ADAM32: variants seen among roughly 807,000 people sequenced by gnomAD.
The protein encoded by ADAM32 is ADAM metallopeptidase domain 32, also known as disintegrin and metalloproteinase domain-containing protein 32.
ADAM32 carries 89 observed loss-of-function variants against 114.9 expected under a neutral mutation model. The observed-to-expected ratio is 0.77, with a 90% CI of 0.65 to 0.92. The LOEUF is 0.92. Among genes scored for constraint, ADAM32 ranks in the 40% least tolerant of loss-of-function variants. The pLI, the probability that ADAM32 is intolerant of heterozygous loss-of-function variation, is 0.00. For synonymous variants in ADAM32, 285 were observed against 307.5 expected (o/e 0.93, Z 0.77); for missense variants, 870 against 932.8 (o/e 0.93, Z 0.88).
At chr8:39,139,344 A>T (rs1245035031) in intron 3 of ADAM32, among the ~76,000 whole-genome samples, 1 of 152,044 alleles carries the variant, frequency 6.6e-6, no homozygotes, top group East Asian at 1.9e-4. Flanking sequence ...TCCTGAGTTA[A>T]TTTTTTGTAT....
chr8:39,162,776 G>A (rs776039028), intron 7 of ADAM32, among the ~76,000 whole-genome samples: 1 of 152,152 alleles, frequency 6.6e-6, no homozygotes, highest in Non-Finnish European at 1.5e-5. Context: ...TGAGGTGGGT[G>A]GATCACCTGA....
chr8:39,192,564 A>G (rs1806678514), intron 11 of ADAM32, among the ~76,000 whole-genome samples: 1 of 152,096 alleles, frequency 6.6e-6, no homozygotes, highest in African/African-American at 2.4e-5. Context: ...TCATGTTGTT[A>G]GCTGGTTATT....
chr8:39,153,066 T>C (rs1459303250), intron 6 of ADAM32, among the ~76,000 whole-genome samples: 8 of 152,144 alleles, frequency 5.3e-5, no homozygotes. Flanking sequence ...AGAATGGAAC[T>C]ACCATACCTC....
chr8:39,111,385 T>C (rs767650058), intron 1 of ADAM32, among the ~76,000 whole-genome samples: 23 of 152,208 alleles, frequency 1.5e-4, no homozygotes, highest in South Asian at 4.1e-4. Flanking sequence ...AATATGTTGG[T>C]TGATATCCAC....
intron 3 of ADAM32, among the ~76,000 whole-genome samples, chr8:39,144,806 C>A (rs936199036): frequency 1.6e-4 from 24 of 152,150 alleles, no homozygotes; most frequent in Non-Finnish European, 7.4e-5. Context: ...GAAGTCCTAG[C>A]CACAGCAATT....
chr8:39,249,467 A>G (rs1341318033), intron 17 of ADAM32, among the ~76,000 whole-genome samples: 1 of 151,988 alleles, frequency 6.6e-6, no homozygotes, highest in African/African-American at 2.4e-5. Context: ...TTCTTGTAAT[A>G]TTTTTCTATG....
rs10092542 is a variant in ADAM32, at chr8:39,273,973, T to A, written c.2202-339T>A. Among the ~76,000 whole-genome samples, 834 of 152,324 alleles carry A rather than the reference T, an allele frequency of 5.5e-3. 3 individuals are homozygous for A. The highest frequency in any genetic ancestry group is 0.019 in the African/African-American group (777 of 41,570). ...AGTTGGGGTATGAAGGTGAGAATCA[T>A]GCAAAGTCAAACCTATGTTCTATGT... is the stretch of plus-strand genomic sequence containing the variant. On this transcript the variant is annotated intron_variant, in intron 20 of 24. Coordinates refer to ENST00000379907, the MANE Select transcript of ADAM32 (RefSeq NM_145004.7).
chr8:39,215,263 T>C (rs1367886922), intron 12 of ADAM32, among the ~76,000 whole-genome samples: 4 of 152,072 alleles, frequency 2.6e-5, no homozygotes, highest in African/African-American at 9.7e-5. Flanking sequence ...TAGATTTCTT[T>C]GGGTAGTGTG....
At chr8:39,255,349 C>T (rs999001036) in intron 18 of ADAM32, among the ~76,000 whole-genome samples, 6 of 151,828 alleles carry the variant, frequency 4.0e-5, no homozygotes, top group African/African-American at 7.2e-5. Context: ...CCACCAACAA[C>T]GTAAAAGTGC....
intron 24 of ADAM32, 147 bp downstream of exon 24, chr8:39,283,771 C>CTTTT (rs373085019): frequency 1.8e-4 from 44 of 241,534 alleles, no homozygotes; most frequent in South Asian, 3.7e-4. Context: ...TTCTTTTATT[C>CTTTT]TTTTTTTTTT....
chr8:39,145,842 T>G (rs963442838), intron 3 of ADAM32, among the ~76,000 whole-genome samples: 3 of 152,084 alleles, frequency 2.0e-5, no homozygotes, highest in Non-Finnish European at 4.4e-5. Context: ...GTGATCCTGT[T>G]GCCTCAGCCT....
At chr8:39,205,728 T>C (rs532018574) in intron 11 of ADAM32, among the ~76,000 whole-genome samples, 1 of 152,368 alleles carries the variant, frequency 6.6e-6, no homozygotes, top group African/African-American at 2.4e-5. Context: ...CTGTGAGCTG[T>C]AGACTGGAGC....
chr8:39,197,140 A>G (rs6992204), intron 11 of ADAM32, among the ~76,000 whole-genome samples: 35,883 of 152,000 alleles, frequency 0.24, 4,791 homozygotes, highest in Non-Finnish European at 0.29. Context: ...AGTTGTTCAC[A>G]ATAGATTCTA....
intron 11 of ADAM32, among the ~76,000 whole-genome samples, chr8:39,208,015 A>C (rs903864922): frequency 6.6e-6 from 1 of 152,182 alleles, no homozygotes; most frequent in Admixed American, 6.5e-5. Flanking sequence ...GCTATTGTGA[A>C]TAGTGCTGCA....
chr8:39,164,792 T>C lies in ADAM32; in HGVS notation c.623T>C (p.Ile208Thr), dbSNP rs1208011977. The change falls in exon 8 of 25, where the codon ATA becomes ACA. Residue 208 changes from isoleucine to threonine, a missense_variant. Coordinates refer to ENST00000379907, the MANE Select transcript of ADAM32 (RefSeq NM_145004.7). ...LYDYWGSDSM[I>T]VTNKVIEIVG... The stretch of plus-strand genomic sequence containing the variant: ...GATTACTGGGGCTCTGATAGCATGA[T>C]AGTAACAAATAAAGTCATCGAAATT... 3.2e-5 allele frequency: 52 copies of C among 1,607,228 alleles called. No homozygotes were observed. Among genetic ancestry groups the C allele is most frequent in the Non-Finnish European group, 3.9e-5 (46 of 1,176,624 alleles).
chr8:39,179,301 C>T (rs781096401), intron 10 of ADAM32, among the ~76,000 whole-genome samples: 12 of 152,208 alleles, frequency 7.9e-5, no homozygotes, highest in Non-Finnish European at 1.8e-4. Flanking sequence ...CTTAGTCCGT[C>T]TCAGTCAGTC....
At chr8:39,201,612 C>A (rs1056782549) in intron 11 of ADAM32, among the ~76,000 whole-genome samples, 2 of 152,112 alleles carry the variant, frequency 1.3e-5, no homozygotes, top group Non-Finnish European at 2.9e-5. Context: ...AATTGAATAC[C>A]CTTTATTTCT....
intron 17 of ADAM32, among the ~76,000 whole-genome samples, chr8:39,249,816 T>C (rs919651882): frequency 3.9e-5 from 6 of 152,206 alleles, no homozygotes; most frequent in Non-Finnish European, 1.5e-5. Flanking sequence ...TGGTGATATA[T>C]ACTCTCAATT....
At chr8:39,236,771 T>A (rs1233599918) in intron 16 of ADAM32, among the ~76,000 whole-genome samples, 1 of 152,030 alleles carries the variant, frequency 6.6e-6, no homozygotes, top group Admixed American at 6.6e-5. Context: ...AAGAAAAAAA[T>A]TAAAATATTT....
Sources: gnomAD v4.1 joint callset for allele counts (sites outside exome capture counted in the v4.1 genomes callset) on GRCh38, gnomAD v4.1.1 for gene constraint, MANE v1.5 for transcripts, NCBI Gene and HGNC (gene_info 2026-07-23, HGNC 2026-07-21) for gene names.